Variants in GALNT13 observed in about 807,000 individuals in gnomAD.
The protein encoded by GALNT13 is polypeptide N-acetylgalactosaminyltransferase 13, also known as UDP-GalNAc:polypeptide N-acetylgalactosaminyltransferase 13.
Under a neutral mutation model 64.2 loss-of-function variants are expected in GALNT13, and 28 were observed. The ratio of observed to expected loss-of-function variants is 0.44; its 90% CI spans 0.32 to 0.60. GALNT13 has a LOEUF of 0.60. Ranked by LOEUF, GALNT13 falls within the 20% of genes least tolerant of loss-of-function variation. The pLI is 0.05. For synonymous variants in GALNT13, 214 were observed against 224.6 expected, an observed-to-expected ratio of 0.95 and a Z score of 0.42; for missense variants, 577 against 669.8, an observed-to-expected ratio of 0.86 and a Z score of 1.53.
chr2:153,632,547 T>C, the GALNT13 span, among the ~76,000 whole-genome samples: 1 of 152,116 alleles, frequency 6.6e-6, no homozygotes. Flanking sequence ...CCTTATCCCC[T>C]GGAAACCACT....
intron 4 of GALNT13, among the ~76,000 whole-genome samples, chr2:154,150,575 G>T (rs1683938550): frequency 1.3e-5 from 2 of 152,018 alleles, no homozygotes; most frequent in Admixed American, 1.3e-4. Context: ...CTTTTTGGTT[G>T]GTAAGCTATT....
At chr2:153,563,725 A>G in the GALNT13 span, among the ~76,000 whole-genome samples, 2 of 150,854 alleles carry the variant, frequency 1.3e-5, no homozygotes, top group East Asian at 3.9e-4. Flanking sequence ...TTTTTTTCCT[A>G]TTAAGCTTAC....
intron 4 of GALNT13, among the ~76,000 whole-genome samples, chr2:154,180,618 T>A (rs887112412): frequency 6.6e-6 from 1 of 152,146 alleles, no homozygotes; most frequent in Non-Finnish European, 1.5e-5. Context: ...AAAATCACCA[T>A]GCATAATAAG....
chr2:154,144,275 T>C (rs1683439111), intron 4 of GALNT13, among the ~76,000 whole-genome samples: 1 of 152,174 alleles, frequency 6.6e-6, no homozygotes, highest in African/African-American at 2.4e-5. Flanking sequence ...ACAACTAATG[T>C]TGAAAAACTT....
intron 3 of GALNT13, among the ~76,000 whole-genome samples, chr2:153,954,160 T>C (rs1574195851): frequency 6.6e-6 from 1 of 152,126 alleles, no homozygotes; most frequent in African/African-American, 2.4e-5. Flanking sequence ...ACTAAAGAAT[T>C]AAAGCAATAA....
intron 9 of GALNT13, among the ~76,000 whole-genome samples, chr2:154,381,647 T>C (rs1405935): frequency 0.059 from 9,007 of 152,124 alleles, 292 homozygotes; most frequent in Middle Eastern, 0.11. Context: ...TCAGGAAACC[T>C]AGTTTCCAAT....
downstream of GALNT13, among the ~76,000 whole-genome samples, chr2:154,455,204 T>C (rs1702016019): frequency 6.6e-6 from 1 of 152,136 alleles, no homozygotes; most frequent in Admixed American, 6.6e-5. Context: ...TCTGAATTAG[T>C]TCGGTAAACC....
At chr2:153,692,673 C>T in the GALNT13 span, among the ~76,000 whole-genome samples, 3 of 152,328 alleles carry the variant, frequency 2.0e-5, no homozygotes, top group African/African-American at 7.2e-5. Flanking sequence ...TCTAGCAGTG[C>T]AGTAGCATAC....
the GALNT13 span, among the ~76,000 whole-genome samples, chr2:153,074,072 T>C: frequency 6.6e-6 from 1 of 152,214 alleles, no homozygotes; most frequent in African/African-American, 2.4e-5. Context: ...TATTAGGTAC[T>C]TCTAGGAATT....
At chr2:154,029,592 G>T (rs1698210785) in intron 3 of GALNT13, among the ~76,000 whole-genome samples, 1 of 152,078 alleles carries the variant, frequency 6.6e-6, no homozygotes, top group Admixed American at 6.6e-5. Context: ...CTCATTTAAA[G>T]ACATAAACAC....
At chr2:153,204,736 A>G in the GALNT13 span, among the ~76,000 whole-genome samples, 1 of 152,142 alleles carries the variant, frequency 6.6e-6, no homozygotes, top group South Asian at 2.1e-4. Context: ...AGAGGATTCT[A>G]TCCCCTTTGC....
At chr2:154,206,047 G>A (rs1687428530) in intron 4 of GALNT13, among the ~76,000 whole-genome samples, 1 of 151,806 alleles carries the variant, frequency 6.6e-6, no homozygotes, top group Non-Finnish European at 1.5e-5. Flanking sequence ...ACCCAGGTGG[G>A]AGTGCAGTGG....
the GALNT13 span, among the ~76,000 whole-genome samples, chr2:153,211,961 T>A: frequency 2.6e-5 from 4 of 152,160 alleles, no homozygotes; most frequent in East Asian, 1.9e-4. Flanking sequence ...TCCCCTTTTT[T>A]AAAAATTTTC....
the GALNT13 span, among the ~76,000 whole-genome samples, chr2:153,356,743 G>A: frequency 6.0e-5 from 9 of 151,144 alleles, no homozygotes; most frequent in East Asian, 1.4e-3. Flanking sequence ...TATACATAGA[G>A]GACAGAGAGA....
the GALNT13 span, among the ~76,000 whole-genome samples, chr2:153,385,921 G>A: frequency 2.0e-5 from 3 of 151,832 alleles, no homozygotes; most frequent in Non-Finnish European, 4.4e-5. Context: ...TAGGTAAATT[G>A]TATCCTGTCA....
chr2:154,184,119 A>G lies in GALNT13; in HGVS notation c.311+43614A>G, dbSNP rs1573829761. Among the ~76,000 whole-genome samples, 4 of 151,882 alleles carry G rather than the reference A, an allele frequency of 2.6e-5. No individual in the cohort carries two copies. In the South Asian group the frequency reaches 8.3e-4, roughly 31 times the overall value. ...TGAACTTATAAATTTATAATAATAC[A>G]TGGGTAAAATATATTATACGAATTT... On this transcript the variant is annotated intron_variant, in intron 4 of 12. Transcript: ENST00000392825.
At chr2:153,886,050 T>G (rs576471594) in intron 1 of GALNT13, among the ~76,000 whole-genome samples, 1 of 152,032 alleles carries the variant, frequency 6.6e-6, no homozygotes, top group Admixed American at 6.6e-5. Flanking sequence ...GTTTCCAAGG[T>G]TCCCCCCATA....
chr2:154,306,625 G>GGGC (rs1449559958), intron 9 of GALNT13, among the ~76,000 whole-genome samples: 4 of 149,114 alleles, frequency 2.7e-5, no homozygotes, highest in Non-Finnish European at 6.0e-5. Context: ...TGGTGGGGGG[G>GGGC]GGGTCAAGAA....
At chr2:153,972,801 G>T (rs1693829948) in intron 3 of GALNT13, among the ~76,000 whole-genome samples, 1 of 152,016 alleles carries the variant, frequency 6.6e-6, no homozygotes, top group African/African-American at 2.4e-5. Flanking sequence ...TTCCTTTAAT[G>T]AAGTGGAACT....
Sources: gnomAD v4.1 joint callset for allele counts (sites outside exome capture counted in the v4.1 genomes callset) on GRCh38, gnomAD v4.1.1 for gene constraint, MANE v1.5 for transcripts, NCBI Gene and HGNC (gene_info 2026-07-23, HGNC 2026-07-21) for gene names.